The following TUBGCP3 variants were observed in gnomAD, a reference collection of about 807,000 sequenced individuals.
TUBGCP3 encodes tubulin gamma complex component 3, also known as gamma-tubulin complex component 3.
A neutral mutation model predicts 123.1 loss-of-function variants in TUBGCP3; 50 were observed. The ratio of observed to expected loss-of-function variants is 0.41; its 90% CI spans 0.32 to 0.51. The LOEUF (loss-of-function observed/expected upper bound fraction) is 0.51. Among genes scored for constraint, TUBGCP3 ranks in the 20% least tolerant of loss-of-function variants. The probability of loss-of-function intolerance (pLI) is 0.36; values close to 1 mark genes in which losing one functional copy is unlikely to be tolerated. For synonymous variants in TUBGCP3, 405 were observed against 413.9 expected, an observed-to-expected ratio of 0.98 and a Z score of 0.26; for missense variants, 882 against 1,127.0, an observed-to-expected ratio of 0.78 and a Z score of 3.11.
chr13:112,589,654 T>C (rs1566601238), upstream of TUBGCP3, among the ~76,000 whole-genome samples: 1 of 152,182 alleles, frequency 6.6e-6, no homozygotes, highest in Admixed American at 6.5e-5. Flanking sequence ...CACAAAAAAA[T>C]GGGTGCCTTG....
intron 18 of TUBGCP3, 123 bp downstream of exon 18, chr13:112,504,503 A>C: frequency 1.5e-6 from 1 of 688,120 alleles, no homozygotes; most frequent in Non-Finnish European, 2.2e-6. Flanking sequence ...AAAAAAAAGA[A>C]AAAATTATGT....
At position 112,553,923 on chromosome 13, in the gene TUBGCP3, C is replaced by T. The variant is rs192623470; in HGVS notation, c.966+134G>A. 4.4e-4 allele frequency: 605 copies of T among 1,379,732 alleles called. 3 individuals are homozygous for T. The African/African-American group carries it at 7.8e-3, about 18-fold the overall frequency. 85.5% of individuals were successfully genotyped at this position (1,379,732 alleles called of 1,614,324 possible). On this transcript the variant is annotated intron_variant, in intron 8 of 21. Transcript: ENST00000261965. ...GTGGTTTCTACTGTCTTGAGTGGAC[C>T]CTGAAAGTTGACTCTCAAAGCTGCT...
Position 112,499,901 on chromosome 13 carries a change from T to C in TUBGCP3, c.2308-716A>G, listed in dbSNP as rs562183331. On this transcript the variant is annotated intron_variant, in intron 19 of 21. Coordinates refer to ENST00000261965, the MANE Select transcript of TUBGCP3 (RefSeq NM_006322.6). ...CAATGAAATCTACAGCACAAAATCA[T>C]TTACATAAATTAAAAATGTATACAC... Among the ~76,000 whole-genome samples, 3 of 152,214 alleles carry C rather than the reference T, an allele frequency of 2.0e-5. No individual in the cohort carries two copies. In the South Asian group the frequency reaches 6.2e-4, roughly 32 times the overall value.
chr13:112,574,707 A>T (rs1174966712), intron 1 of TUBGCP3, among the ~76,000 whole-genome samples: 1 of 152,104 alleles, frequency 6.6e-6, no homozygotes, highest in Non-Finnish European at 1.5e-5. Flanking sequence ...TACATAAAAC[A>T]CCTCCAATCA....
At chr13:112,568,685 A>T (rs997910330) in intron 2 of TUBGCP3, among the ~76,000 whole-genome samples, 2 of 152,254 alleles carry the variant, frequency 1.3e-5, no homozygotes, top group African/African-American at 4.8e-5. Flanking sequence ...TTCTAGGCCA[A>T]CTGAAAAGCA....
intron 17 of TUBGCP3, among the ~76,000 whole-genome samples, chr13:112,514,273 G>C (rs889517268): frequency 1.4e-5 from 2 of 141,202 alleles, no homozygotes; most frequent in African/African-American, 5.3e-5. Context: ...TACTATCTGA[G>C]GTTTCAGGCA....
At chr13:112,498,377 C>T (rs373268638) in intron 20 of TUBGCP3, among the ~76,000 whole-genome samples, 5 of 152,158 alleles carry the variant, frequency 3.3e-5, no homozygotes, top group African/African-American at 1.2e-4. Flanking sequence ...GCTTCATACA[C>T]ACCTTAAATA....
chr13:112,532,340 G>A (rs983181181), intron 11 of TUBGCP3, among the ~76,000 whole-genome samples: 8 of 152,196 alleles, frequency 5.3e-5, no homozygotes, highest in Admixed American at 2.6e-4. Context: ...TAGATCCAGA[G>A]ATATTCTATC....
At chr13:112,557,365 C>T (rs1378455778) in intron 5 of TUBGCP3, among the ~76,000 whole-genome samples, 1 of 152,148 alleles carries the variant, frequency 6.6e-6, no homozygotes, top group Non-Finnish European at 1.5e-5. Context: ...ATTCTGTTTT[C>T]GAGTATCTTG....
chr13:112,525,279 C>T (rs1430439769), intron 13 of TUBGCP3, among the ~76,000 whole-genome samples: 1 of 152,202 alleles, frequency 6.6e-6, no homozygotes, highest in Non-Finnish European at 1.5e-5. Context: ...ACCAAATTCT[C>T]CTCCTTCTCC....
intron 21 of TUBGCP3, among the ~76,000 whole-genome samples, chr13:112,488,978 G>T (rs1195054236): frequency 7.2e-6 from 1 of 138,216 alleles, no homozygotes; most frequent in African/African-American, 2.8e-5. Flanking sequence ...GAGCAAAGGG[G>T]TCACCCCCAG....
rs200763297 is a variant in TUBGCP3 at position 112,489,693 on chromosome 13, T to A, written c.2453A>T (p.Gln818Leu). The change falls in exon 21 of 22, where the codon CAG (glutamine) becomes CTG (leucine). Residue 818 changes from glutamine (Q) to leucine (L), a missense_variant. Physicochemically the swap from Gln to Leu is moderately radical, Grantham distance 113. Transcript: ENST00000261965. ...TTCCTCTGCTGCCGTCACTCCCCAC[T>A]GGCCCTGAACAATCAAAAGTACCAA... is the stretch of plus-strand genomic sequence containing the variant. ...EKKKQREIEG[Q>L]WGVTAAEEEE... The A allele has an allele frequency of 5.0e-5, 81 of 1,612,920 alleles. No homozygotes were observed. The highest frequency in any genetic ancestry group is 6.5e-5 in the Non-Finnish European group (77 of 1,179,000).
chr13:112,569,974 C>G (rs1881274919), intron 1 of TUBGCP3, among the ~76,000 whole-genome samples: 1 of 152,072 alleles, frequency 6.6e-6, no homozygotes, highest in Non-Finnish European at 1.5e-5. Flanking sequence ...TAACAGTTCC[C>G]ACTGCAGAGC....
chr13:112,573,943 A>G (rs1881610097), intron 1 of TUBGCP3, among the ~76,000 whole-genome samples: 1 of 152,256 alleles, frequency 6.6e-6, no homozygotes, highest in South Asian at 2.1e-4. Context: ...TATGAGTGGC[A>G]CCTGGAAATT....
At chr13:112,502,433 G>C (rs781519454) in intron 19 of TUBGCP3, among the ~76,000 whole-genome samples, 3 of 152,128 alleles carry the variant, frequency 2.0e-5, no homozygotes, top group Non-Finnish European at 4.4e-5. Context: ...ATACAGAGAG[G>C]CAACGGCTGG....
At chr13:112,547,889 T>A in intron 9 of TUBGCP3, 137 bp from the exon 10 acceptor site, 1 of 1,144,280 alleles carries the variant, frequency 8.7e-7, no homozygotes, top group South Asian at 2.6e-5. Context: ...AAAAAAATAG[T>A]ATTTTAAAGC....
chr13:112,505,711 T>C (rs1401128366), intron 17 of TUBGCP3, among the ~76,000 whole-genome samples: 1 of 152,230 alleles, frequency 6.6e-6, no homozygotes, highest in Non-Finnish European at 1.5e-5. Flanking sequence ...CTAAGCCTTA[T>C]AAAAATGTAA....
intron 1 of TUBGCP3, among the ~76,000 whole-genome samples, chr13:112,577,762 A>T (rs1004567983): frequency 2.1e-4 from 32 of 152,192 alleles, no homozygotes; most frequent in African/African-American, 6.3e-4. Flanking sequence ...ACATTTTTTT[A>T]AAATATATTA....
rs1183344643 is a variant in TUBGCP3, at chr13:112,494,832, A to G, written c.2448+4213T>C. Among the ~76,000 whole-genome samples the G allele has an allele frequency of 2.6e-5, 4 of 152,218 alleles. No homozygotes were observed. In the East Asian group the frequency reaches 5.8e-4, roughly 22 times the overall value. On this transcript the variant is annotated intron_variant, in intron 20 of 21. Coordinates refer to ENST00000261965, the MANE Select transcript of TUBGCP3 (RefSeq NM_006322.6). ...TCTTTGATAACCCATGATGTTGAGC[A>G]CCTTTTCATAAGCCTTTTTGCCATT...
Sources: allele counts gnomAD v4.1 joint callset (sites outside exome capture counted in the v4.1 genomes callset), GRCh38; gene constraint gnomAD v4.1.1; transcripts MANE v1.5; gene names NCBI Gene and HGNC (gene_info 2026-07-23, HGNC 2026-07-21).